BAZ2B: variants seen among roughly 807,000 people sequenced by gnomAD.
BAZ2B encodes bromodomain adjacent to zinc finger domain 2B, also known as bromodomain adjacent to zinc finger domain protein 2B.
A neutral mutation model predicts 246.0 loss-of-function variants in BAZ2B; 91 were observed. That is an observed-to-expected ratio of 0.37 (90% confidence interval 0.31 to 0.44). BAZ2B has a LOEUF of 0.44. BAZ2B is among the 20% of genes least tolerant of loss of function. The pLI is 1.00. For missense variants in BAZ2B, 2,332 were observed against 2,533.7 expected (o/e 0.92, Z 1.71); for synonymous variants, 855 against 860.0 (o/e 0.99, Z 0.10).
chr2:159,372,964 C>A, intron 27 of BAZ2B, 81 bp downstream of exon 27: 3 of 1,440,522 alleles, frequency 2.1e-6, no homozygotes, highest in Non-Finnish European at 2.8e-6. Flanking sequence ...TATGGGAACA[C>A]AAAATATATT....
chr2:159,672,873 T>G, the BAZ2B span, among the ~76,000 whole-genome samples: 3 of 152,158 alleles, frequency 2.0e-5, 1 homozygote, highest in South Asian at 6.2e-4. Flanking sequence ...CAAGTAGACC[T>G]AAGTTCTAAA....
At chr2:159,706,561 C>T in the BAZ2B span, among the ~76,000 whole-genome samples, 4,763 of 152,264 alleles carry the variant, frequency 0.031, 111 homozygotes, top group East Asian at 0.13. Context: ...CGCACGCGTG[C>T]GCATGTGCAC....
chr2:159,450,048 A>G (rs1577163119), intron 4 of BAZ2B, among the ~76,000 whole-genome samples: 1 of 152,186 alleles, frequency 6.6e-6, no homozygotes, highest in Admixed American at 6.5e-5. Flanking sequence ...AGGTTTCCCA[A>G]AGATATTTAT....
intron 16 of BAZ2B, among the ~76,000 whole-genome samples, chr2:159,401,202 A>T (rs1204589079): frequency 6.6e-6 from 1 of 152,252 alleles, no homozygotes; most frequent in African/African-American, 2.4e-5. Flanking sequence ...ACAGAAACTC[A>T]GTGAACCAAG....
chr2:159,651,125 A>C, the BAZ2B span, among the ~76,000 whole-genome samples: 64 of 152,130 alleles, frequency 4.2e-4, no homozygotes, highest in Admixed American at 3.9e-4. Context: ...TTCCTCACTT[A>C]TGTGGGGAAT....
At chr2:159,689,980 T>C in the BAZ2B span, 1 of 377,982 alleles carries the variant, frequency 2.6e-6, no homozygotes, top group South Asian at 3.5e-5. Context: ...TCTGCCATTT[T>C]TTGACCATAG....
At chr2:159,420,610 T>C (rs900542443) in intron 13 of BAZ2B, among the ~76,000 whole-genome samples, 2 of 152,214 alleles carry the variant, frequency 1.3e-5, no homozygotes, top group Admixed American at 1.3e-4. Flanking sequence ...AAAATGCTTT[T>C]CAAGGTAGAT....
At chr2:159,429,696 T>C (rs1164418755) in intron 10 of BAZ2B, among the ~76,000 whole-genome samples, 2 of 152,136 alleles carry the variant, frequency 1.3e-5, no homozygotes, top group Non-Finnish European at 2.9e-5. Context: ...TATAAATCCA[T>C]AGTCAAAAAC....
At chr2:159,337,453 A>T in intron 32 of BAZ2B, 114 bp downstream of exon 32, 1 of 1,597,602 alleles carries the variant, frequency 6.3e-7, no homozygotes. Context: ...GTTAATCTCA[A>T]TAACCTACCC....
intron 2 of BAZ2B, among the ~76,000 whole-genome samples, chr2:159,480,400 TGC>T (rs1306820818): frequency 6.6e-6 from 1 of 152,140 alleles, no homozygotes; most frequent in African/African-American, 2.4e-5. Flanking sequence ...TAGGATAATA[TGC>T]TATGAAGTAT....
At chr2:159,457,484 A>G (rs1341362258) in intron 3 of BAZ2B, among the ~76,000 whole-genome samples, 1 of 152,226 alleles carries the variant, frequency 6.6e-6, no homozygotes, top group East Asian at 1.9e-4. Context: ...TTCAATCAGA[A>G]CAAAAAGCTG....
chr2:159,354,365 T>A (rs545364186), intron 27 of BAZ2B, among the ~76,000 whole-genome samples: 50 of 151,788 alleles, frequency 3.3e-4, no homozygotes, highest in African/African-American at 1.1e-3. Flanking sequence ...ATATATATAT[T>A]TTTTGAGATG....
At chr2:159,563,645 A>G (rs2090089004) in intron 1 of BAZ2B, among the ~76,000 whole-genome samples, 1 of 152,196 alleles carries the variant, frequency 6.6e-6, no homozygotes, top group African/African-American at 2.4e-5. Context: ...CAGAAAGTAA[A>G]ATGATAATTG....
At chr2:159,559,755 A>G (rs1310694914) in intron 1 of BAZ2B, among the ~76,000 whole-genome samples, 1 of 152,246 alleles carries the variant, frequency 6.6e-6, no homozygotes, top group East Asian at 1.9e-4. Flanking sequence ...TAAAAATCCT[A>G]AGTGGCTTTT....
intron 2 of BAZ2B, among the ~76,000 whole-genome samples, chr2:159,501,142 TATATATAATATATATAA>T (rs1559628620): frequency 7.2e-4 from 18 of 24,980 alleles, no homozygotes; most frequent in African/African-American, 1.6e-3. Context: ...ATATATTTTA[TATATATAATATATATAA>T]ATATATAATA....
At chr2:159,341,454 T>G (rs771646085) in intron 31 of BAZ2B, among the ~76,000 whole-genome samples, 1 of 152,216 alleles carries the variant, frequency 6.6e-6, no homozygotes, top group Non-Finnish European at 1.5e-5. Flanking sequence ...AACATCCCAC[T>G]GTCAGCATTG....
rs777706134 is a variant in BAZ2B, at chr2:159,428,328, A to G, written c.2347T>C (p.Tyr783His). 4 of 1,612,786 alleles carry G rather than the reference A, an allele frequency of 2.5e-6. No individual in the cohort carries two copies. The highest frequency in any genetic ancestry group is 1.1e-5 in the South Asian group (1 of 90,972). Reference protein sequence around the residue: ...YAPCGKKLRQYPEVIKYLSRN... With the variant: ...YAPCGKKLRQHPEVIKYLSRN... ...GTATGTACCTTTATTACTTCAGGGT[A>G]CTGCCTAAGTTTCTTTCCACATGGA... is the stretch of plus-strand genomic sequence containing the variant. Residue 783 changes from tyrosine to histidine, a missense_variant, in exon 12 of 37, where the codon TAC (tyrosine) becomes CAC (histidine). Coordinates refer to ENST00000392783, the MANE Select transcript of BAZ2B (RefSeq NM_013450.4).
upstream of BAZ2B, among the ~76,000 whole-genome samples, chr2:159,619,586 A>G (rs1400342184): frequency 6.6e-6 from 1 of 150,872 alleles, no homozygotes; most frequent in Non-Finnish European, 1.5e-5. Context: ...ATTTAAAATT[A>G]TTTAATGTTA....
At chr2:159,659,315 T>C in the BAZ2B span, among the ~76,000 whole-genome samples, 1 of 152,182 alleles carries the variant, frequency 6.6e-6, no homozygotes, top group Admixed American at 6.5e-5. Flanking sequence ...CAATTATCTG[T>C]GTGTGGGTTG....
Sources: allele counts gnomAD v4.1 joint callset (sites outside exome capture counted in the v4.1 genomes callset), GRCh38; gene constraint gnomAD v4.1.1; transcripts MANE v1.5; gene names NCBI Gene and HGNC (gene_info 2026-07-23, HGNC 2026-07-21).